Variants in GOLGA4 observed in about 807,000 individuals in gnomAD.
GOLGA4 encodes the protein golgin A4.
In GOLGA4, 169 loss-of-function variants were observed where a neutral mutation model predicts 265.9. That is an observed-to-expected ratio of 0.64 (90% CI 0.56 to 0.72). GOLGA4 has a LOEUF of 0.72. GOLGA4 is among the 30% of genes least tolerant of loss of function. GOLGA4 has a pLI of 0.00. For missense variants in GOLGA4, 2,482 were observed against 2,483.4 expected (o/e 1.00, Z 0.01); for synonymous variants, 923 against 855.8 (o/e 1.08, Z -1.37).
rs543531468 is a variant in GOLGA4 at position 37,355,058 on chromosome 3, T to G, written c.6577-43T>G. 1.1e-5 allele frequency: 12 copies of G among 1,108,668 alleles called. No individual in the cohort carries two copies. The South Asian group carries it at 1.5e-4, about 14-fold the overall frequency. The allele number at this position is 1,108,668 out of a possible 1,614,324, so 68.7% of individuals were successfully genotyped here. ...TGTCAGAATGGGTTGAGACTTTATA[T>G]GCTTCACTGTCTGTTAGTGATCATC... is the stretch of plus-strand genomic sequence containing the variant. On this transcript the variant is annotated intron_variant, in intron 21 of 23. Coordinates refer to ENST00000361924, the MANE Select transcript of GOLGA4 (RefSeq NM_002078.5).
chr3:37,302,720 C>G (rs1381934224), intron 10 of GOLGA4: 1 of 169,600 alleles, frequency 5.9e-6, no homozygotes, highest in African/African-American at 2.4e-5. Flanking sequence ...CCAGTAGGTA[C>G]AGCATGGTAC....
At chr3:37,280,188 A>G (rs1225618398) in intron 2 of GOLGA4, among the ~76,000 whole-genome samples, 1 of 152,204 alleles carries the variant, frequency 6.6e-6, no homozygotes, top group Admixed American at 6.5e-5. Context: ...TATTAATGGT[A>G]TGTCATATAT....
chr3:37,332,035 A>C (rs2096992261), intron 16 of GOLGA4, among the ~76,000 whole-genome samples: 1 of 152,072 alleles, frequency 6.6e-6, no homozygotes, highest in Non-Finnish European at 1.5e-5. Flanking sequence ...TTAATGTCCT[A>C]CCTAGTCCCC....
Position 37,325,419 on chromosome 3 carries a change from T to G in GOLGA4, c.3533T>G (p.Leu1178Trp). Residue 1178 changes from leucine (L) to tryptophan (W), a missense_variant, in exon 14 of 24, where the codon TTG becomes TGG. Physicochemically the swap from Leu to Trp is moderately conservative, Grantham distance 61. Coordinates refer to ENST00000361924, the MANE Select transcript of GOLGA4 (RefSeq NM_002078.5). The part of the protein sequence containing the change: ...KRKVSELTSK[L>W]KTTDEEFQSL... The stretch of plus-strand genomic sequence containing the variant: ...AAGGTTTCTGAGTTGACTAGCAAGT[T>G]GAAAACCACAGATGAAGAATTCCAG... 6.2e-7 allele frequency: 1 copy of G among 1,611,048 alleles called. No individual in the cohort carries two copies. Among genetic ancestry groups the G allele is most frequent in the Non-Finnish European group, 8.5e-7 (1 of 1,179,080 alleles).
chr3:37,292,085 C>CAA (rs2096866093), intron 5 of GOLGA4, among the ~76,000 whole-genome samples: 1 of 152,034 alleles, frequency 6.6e-6, no homozygotes, highest in Admixed American at 6.6e-5. Flanking sequence ...TCCCTTGTAA[C>CAA]CAAGGACTTT....
rs1228391909 is a variant in GOLGA4 at position 37,326,460 on chromosome 3, C to T, written c.4574C>T (p.Ala1525Val). The change falls in exon 14 of 24, where the codon GCA becomes GTA. Residue 1525 changes from alanine to valine, a missense_variant. This residue lies in a region of GOLGA4 where 942 missense variants were observed against 983.1 expected (regional missense o/e 0.96). Transcript: ENST00000361924. ...GAAACAGAGTTAAAGTCTCAAACAG[C>T]AAGAATTATGGAATTAGAGGACCAT... is the stretch of plus-strand genomic sequence containing the variant. ...NLETELKSQTARIMELEDHIT... is the reference protein window; with the variant it reads ...NLETELKSQTVRIMELEDHIT... 1.2e-6 allele frequency: 2 copies of T among 1,610,200 alleles called. No homozygotes were observed. Among genetic ancestry groups the T allele is most frequent in the Admixed American group, 3.4e-5 (2 of 59,612 alleles).
intron 10 of GOLGA4, among the ~76,000 whole-genome samples, chr3:37,308,849 C>T (rs1290670183): frequency 1.3e-5 from 2 of 151,916 alleles, no homozygotes; most frequent in African/African-American, 2.4e-5. Context: ...ACTCTGACCT[C>T]GTGATCTGCC....
intron 17 of GOLGA4, 98 bp from the exon 18 acceptor site, chr3:37,337,045 C>A: frequency 1.3e-6 from 1 of 794,370 alleles, no homozygotes; most frequent in Non-Finnish European, 2.1e-6. Context: ...ACTCTTAACC[C>A]TGACTTCCTT....
chr3:37,267,893 T>G (rs2096787860), intron 2 of GOLGA4, among the ~76,000 whole-genome samples: 1 of 152,194 alleles, frequency 6.6e-6, no homozygotes, highest in African/African-American at 2.4e-5. Flanking sequence ...TAAATTACAT[T>G]GTAAACTCAG....
intron 3 of GOLGA4, among the ~76,000 whole-genome samples, chr3:37,284,236 A>AG (rs949998963): frequency 5.9e-5 from 9 of 152,150 alleles, no homozygotes; most frequent in Non-Finnish European, 1.2e-4. Flanking sequence ...CAGGATGTGC[A>AG]GGGTTGTTAC....
At chr3:37,263,109 G>A (rs2096774412) in intron 2 of GOLGA4, among the ~76,000 whole-genome samples, 1 of 152,042 alleles carries the variant, frequency 6.6e-6, no homozygotes, top group Non-Finnish European at 1.5e-5. Flanking sequence ...CTTTTATTCT[G>A]TAGTTTTACT....
At chr3:37,320,871 G>A (rs1451326946) in intron 12 of GOLGA4, among the ~76,000 whole-genome samples, 1 of 151,910 alleles carries the variant, frequency 6.6e-6, no homozygotes, top group Admixed American at 6.6e-5. Flanking sequence ...TTAAAATATA[G>A]TTTACATTAA....
intron 10 of GOLGA4, among the ~76,000 whole-genome samples, chr3:37,305,932 T>TG (rs1248742121): frequency 4.6e-5 from 7 of 152,256 alleles, no homozygotes; most frequent in Non-Finnish European, 1.0e-4. Flanking sequence ...TCTCTTAAGC[T>TG]GCTCCTCATA....
intron 1 of GOLGA4, among the ~76,000 whole-genome samples, chr3:37,246,867 C>T (rs188982359): frequency 1.3e-5 from 2 of 152,196 alleles, no homozygotes; most frequent in Non-Finnish European, 2.9e-5. Context: ...GGCAGCTGAC[C>T]TCACTCTTTT....
chr3:37,296,991 A>G (rs2096880186), intron 7 of GOLGA4, among the ~76,000 whole-genome samples: 4 of 152,228 alleles, frequency 2.6e-5, no homozygotes, highest in African/African-American at 9.6e-5. Context: ...TTTCATATGA[A>G]CAGGTCAGTT....
rs2096961554 is a variant in GOLGA4 at position 37,323,683 on chromosome 3, T to C, written c.1797T>C (p.Asn599=). The C allele has an allele frequency of 1.9e-6, 3 of 1,606,166 alleles. No homozygotes were observed. The highest frequency in any genetic ancestry group is 2.5e-6 in the Non-Finnish European group (3 of 1,177,984). ...CTGTTCATCTGGAAGCTGAAAAAAATAAGCACAATAAGGAGATTACAGTCA... is the reference window on the plus strand; with the variant it reads ...CTGTTCATCTGGAAGCTGAAAAAAACAAGCACAATAAGGAGATTACAGTCA... ...DLAVHLEAEK[N]KHNKEITVMV... is the part of the protein sequence containing the mutation. The change falls in exon 14 of 24, where the codon AAT becomes AAC. Residue 599 remains asparagine, a synonymous_variant. Transcript: ENST00000361924.
chr3:37,330,732 A>G (rs377715468), intron 16 of GOLGA4, among the ~76,000 whole-genome samples: 11 of 152,238 alleles, frequency 7.2e-5, no homozygotes, highest in African/African-American at 2.6e-4. Flanking sequence ...GCCACTGGAA[A>G]TATAATGCAA....
chr3:37,358,679 G>A (rs972386408), intron 22 of GOLGA4, among the ~76,000 whole-genome samples: 8 of 152,090 alleles, frequency 5.3e-5, no homozygotes. Flanking sequence ...CCTCCTTTTA[G>A]CAATGTGTAG....
chr3:37,317,843 A>G (rs959260321), intron 11 of GOLGA4, among the ~76,000 whole-genome samples: 13 of 152,126 alleles, frequency 8.5e-5, no homozygotes, highest in African/African-American at 3.1e-4. Flanking sequence ...GCCTTTGCAC[A>G]TACGTCCTTT....
Sources: allele counts gnomAD v4.1 joint callset (sites outside exome capture counted in the v4.1 genomes callset), GRCh38; gene constraint gnomAD v4.1.1; regional missense constraint gnomAD v4.1.1; transcripts MANE v1.5; gene names NCBI Gene and HGNC (gene_info 2026-07-23, HGNC 2026-07-21).